The following PIP4K2C variants were observed in gnomAD, a reference collection of about 807,000 sequenced individuals.
PIP4K2C encodes phosphatidylinositol 5-phosphate 4-kinase type-2 gamma.
Under a neutral mutation model 45.0 loss-of-function variants are expected in PIP4K2C, and 21 were observed. The ratio of observed to expected loss-of-function variants is 0.47; its 90% CI spans 0.33 to 0.67. The LOEUF is 0.67. Among genes scored for constraint, PIP4K2C ranks in the 30% least tolerant of loss-of-function variants. The pLI is 0.02. For missense variants in PIP4K2C, 456 were observed against 542.8 expected, an observed-to-expected ratio of 0.84 and a Z score of 1.59; for synonymous variants, 201 against 204.8, an observed-to-expected ratio of 0.98 and a Z score of 0.16.
chr12:57,599,778 C>T (rs527825442), intron 6 of PIP4K2C, among the ~76,000 whole-genome samples: 28 of 152,212 alleles, frequency 1.8e-4, no homozygotes, highest in African/African-American at 5.5e-4. Flanking sequence ...AGACACAGGC[C>T]GGGCATGGTG....
chr12:57,599,855 A>C (rs1883350419), intron 6 of PIP4K2C, among the ~76,000 whole-genome samples: 1 of 152,112 alleles, frequency 6.6e-6, no homozygotes, highest in Non-Finnish European at 1.5e-5. Context: ...GGAGTTCCAG[A>C]CCAGCCTGAG....
At position 57,591,420 on chromosome 12, in the gene PIP4K2C, C is replaced by T. The variant is rs1261881261; in HGVS notation, c.131C>T (p.Ala44Val). 1.2e-6 allele frequency: 2 copies of T among 1,613,724 alleles called. No homozygotes were observed. The highest frequency in any genetic ancestry group is 1.7e-6 in the Non-Finnish European group (2 of 1,179,812). The part of the protein sequence containing the change: ...VQQKVKVFRA[A>V]DPLVGVFLWG... Reference sequence around the variant, plus strand: ...CAGAAGGTGAAGGTGTTCCGGGCGGCCGACCCGCTGGTGGGTGTGTTCCTG... The same window carrying T: ...CAGAAGGTGAAGGTGTTCCGGGCGGTCGACCCGCTGGTGGGTGTGTTCCTG... Residue 44 changes from alanine to valine, a missense_variant, in exon 1 of 10, where the codon GCC (alanine) becomes GTC (valine). By Grantham distance (64) the Ala-to-Val change is moderately conservative (BLOSUM62 0). Transcript: ENST00000354947.
At chr12:57,600,062 A>G (rs1055403850) in intron 6 of PIP4K2C, among the ~76,000 whole-genome samples, 26 of 151,668 alleles carry the variant, frequency 1.7e-4, no homozygotes, top group Non-Finnish European at 3.1e-4. Context: ...AAAAAAAAAA[A>G]AAAAAAAGAG....
At chr12:57,591,484 C>T (rs779937127) in intron 1 of PIP4K2C, 21 bp downstream of exon 1, 1 of 1,592,090 alleles carries the variant, frequency 6.3e-7, no homozygotes, top group South Asian at 1.1e-5. Flanking sequence ...GCCCTAGACC[C>T]CCGCAGCCCT....
Position 57,594,017 on chromosome 12 carries a change from C to T in PIP4K2C, c.175-8C>T. The T allele has an allele frequency of 6.2e-7, 1 of 1,612,160 alleles. No homozygotes were observed. The highest frequency in any genetic ancestry group is 8.5e-7 in the Non-Finnish European group (1 of 1,178,796). On this transcript the variant is annotated splice_polypyrimidine_tract_variant and splice_region_variant and intron_variant, in intron 1 of 9. Coordinates refer to ENST00000354947, the MANE Select transcript of PIP4K2C (RefSeq NM_024779.5). Reference sequence around the variant, plus strand: ...CATGGCTTCCCTATTCATGGTTTGGCTTATCAGATCAATGAGCTCAGCCAG... The same window carrying T: ...CATGGCTTCCCTATTCATGGTTTGGTTTATCAGATCAATGAGCTCAGCCAG...
chr12:57,601,444 G>A (rs922190636), intron 9 of PIP4K2C, 82 bp from the exon 10 acceptor site: 1 of 1,523,640 alleles, frequency 6.6e-7, no homozygotes, highest in Non-Finnish European at 9.1e-7. Flanking sequence ...AAGAATGGAG[G>A]TGGTCTGGGG....
At position 57,591,347 on chromosome 12, in the gene PIP4K2C, C is replaced by T. The variant is rs778604165; in HGVS notation, c.58C>T (p.Pro20Ser). 2 of 1,613,620 alleles carry T rather than the reference C, an allele frequency of 1.2e-6. No homozygotes were observed. Among genetic ancestry groups the T allele is most frequent in the South Asian group, 1.1e-5 (1 of 91,070 alleles). ...TVSAATAGPG[P>S]GFGFASKTKK... ...ATCGGCGGCGACAGCAGGCCCCGGCCCAGGTTTCGGCTTCGCCTCCAAGAC... is the reference window on the plus strand; with the variant it reads ...ATCGGCGGCGACAGCAGGCCCCGGCTCAGGTTTCGGCTTCGCCTCCAAGAC... Residue 20 changes from proline to serine, a missense_variant, in exon 1 of 10, where the codon CCA becomes TCA. Pro to Ser is a moderately conservative substitution (Grantham distance 74). Coordinates refer to ENST00000354947, the MANE Select transcript of PIP4K2C (RefSeq NM_024779.5).
chr12:57,593,973 A>G, intron 1 of PIP4K2C, 52 bp from the exon 2 acceptor site: 2 of 1,379,224 alleles, frequency 1.5e-6, no homozygotes, highest in South Asian at 1.2e-5. Context: ...GTGTATGGGT[A>G]GCTCTCCACA....
At chr12:57,593,439 G>A (rs1161597187) in intron 1 of PIP4K2C, among the ~76,000 whole-genome samples, 1 of 112,662 alleles carries the variant, frequency 8.9e-6, no homozygotes, top group Non-Finnish European at 1.9e-5. Context: ...TCTGAAATCA[G>A]CTGCTCTTCC....
At position 57,595,939 on chromosome 12, in the gene PIP4K2C, T is replaced by A. The variant is rs761761394; in HGVS notation, c.421T>A (p.Phe141Ile). 31 of 1,613,934 alleles carry A rather than the reference T, an allele frequency of 1.9e-5. No individual in the cohort carries two copies. The highest frequency in any genetic ancestry group is 2.5e-5 in the Non-Finnish European group (29 of 1,179,974). The change falls in exon 4 of 10, where the codon TTC (phenylalanine) becomes ATC (isoleucine). Residue 141 changes from phenylalanine to isoleucine, a missense_variant. By Grantham distance (21) the Phe-to-Ile change is conservative. This residue lies in a region of PIP4K2C where 421 missense variants were observed against 473.1 expected (regional missense o/e 0.89). Coordinates refer to ENST00000354947, the MANE Select transcript of PIP4K2C (RefSeq NM_024779.5). ...PSESEGSDGR[F>I]LISYDRTLVI... is the part of the protein sequence containing the mutation. ...CGAAAGTGAAGGCAGTGATGGTCGC[T>A]TCCTTATCTCCTACGATCGGACTCT... is the stretch of plus-strand genomic sequence containing the variant.
At position 57,601,567 on chromosome 12, in the gene PIP4K2C, T is replaced by C. The variant is rs200282467; in HGVS notation, c.1227T>C (p.Ala409=). 11 of 1,613,504 alleles carry C rather than the reference T, an allele frequency of 6.8e-6. No homozygotes were observed. In the East Asian group the frequency reaches 2.2e-4, roughly 33 times the overall value. ...CTACTGTCCATCCGGAGCAGTATGCTAAGCGATTCCTGGATTTTATTACCA... is the reference window on the plus strand; with the variant it reads ...CTACTGTCCATCCGGAGCAGTATGCCAAGCGATTCCTGGATTTTATTACCA... ...EISTVHPEQY[A]KRFLDFITNI... Residue 409 remains alanine, a synonymous_variant, in exon 10 of 10, where the codon GCT becomes GCC. Transcript: ENST00000354947.
At chr12:57,593,644 A>T in intron 1 of PIP4K2C, among the ~76,000 whole-genome samples, 1 of 120,628 alleles carries the variant, frequency 8.3e-6, no homozygotes. Flanking sequence ...TCTTTTTCTA[A>T]TGGAACATGT....
At chr12:57,599,571 A>T (rs1883338229) in intron 6 of PIP4K2C, 133 bp downstream of exon 6, 1 of 1,022,624 alleles carries the variant, frequency 9.8e-7, no homozygotes, top group African/African-American at 1.6e-5. Context: ...TAAACCACTT[A>T]AAAGAAGGGG....
Position 57,601,976 on chromosome 12 carries a change from T to G in PIP4K2C, c.*370T>G. The G allele has an allele frequency of 4.1e-6, 1 of 245,656 alleles. No homozygotes were observed. The highest frequency in any genetic ancestry group is 6.2e-5 in the South Asian group (1 of 16,018). The allele number at this position is 245,656 out of a possible 1,614,324, so 15.2% of individuals were successfully genotyped here. On this transcript the variant is annotated 3_prime_UTR_variant, in exon 10 of 10. Coordinates refer to ENST00000354947, the MANE Select transcript of PIP4K2C (RefSeq NM_024779.5). Reference sequence around the variant, plus strand: ...CTTCTTCAGGACCTGACTGGACAGATGGACCTGGCTCAAGCAACTACTCTG... The same window carrying G: ...CTTCTTCAGGACCTGACTGGACAGAGGGACCTGGCTCAAGCAACTACTCTG...
chr12:57,595,024 G>A (rs964846032), intron 2 of PIP4K2C, 102 bp from the exon 3 acceptor site: 2 of 737,328 alleles, frequency 2.7e-6, no homozygotes, highest in African/African-American at 3.5e-5. Flanking sequence ...AGGGTTTTAT[G>A]AGAATCAAAT....
intron 7 of PIP4K2C, 51 bp downstream of exon 7, chr12:57,600,488 G>T: frequency 7.9e-7 from 1 of 1,268,662 alleles, no homozygotes; most frequent in Non-Finnish European, 1.1e-6. Context: ...GCTCCCTAGA[G>T]GGTAGTTGTC....
chr12:57,593,114 C>G (rs905646507), intron 1 of PIP4K2C, among the ~76,000 whole-genome samples: 1 of 151,954 alleles, frequency 6.6e-6, no homozygotes, highest in African/African-American at 2.4e-5. Flanking sequence ...TAGTTAGACA[C>G]CTGAAAGATG....
intron 7 of PIP4K2C, 150 bp from the exon 8 acceptor site, chr12:57,600,661 A>AG (rs1182774547): frequency 1.0e-5 from 10 of 956,666 alleles, no homozygotes; most frequent in African/African-American, 3.3e-5. Flanking sequence ...TAGGACATAT[A>AG]GGCACTAAAG....
In PIP4K2C at chr12:57,599,052, T is replaced by A; in HGVS notation, c.514-13T>A. ...TCAGCCTCTCCCCATTCCTTCCCCC[T>A]CTTTCACTGTAGTACATTGTGAAGT... On this transcript the variant is annotated splice_polypyrimidine_tract_variant and intron_variant, in intron 4 of 9. Transcript: ENST00000354947. The A allele has an allele frequency of 6.2e-7, 1 of 1,612,644 alleles. No homozygotes were observed. The highest frequency in any genetic ancestry group is 8.5e-7 in the Non-Finnish European group (1 of 1,179,032).
Sources: gnomAD v4.1 joint callset for allele counts (sites outside exome capture counted in the v4.1 genomes callset) on GRCh38, gnomAD v4.1.1 for gene constraint, gnomAD v4.1.1 regional missense constraint, MANE v1.5 for transcripts, NCBI Gene and HGNC (gene_info 2026-07-23, HGNC 2026-07-21) for gene names.